Variants in GPR132 observed in about 807,000 individuals in gnomAD.
The protein encoded by GPR132 is probable G protein-coupled receptor 132.
Under a neutral mutation model 1.9 loss-of-function variants are expected in GPR132, and 4 were observed. The ratio of observed to expected loss-of-function variants is 2.13; its 90% confidence interval spans 1.05 to 4.87. GPR132 has a LOEUF of 4.87. Ranked by LOEUF, GPR132 falls within the 30% of genes most tolerant of loss-of-function variation. The probability of loss-of-function intolerance (pLI) is 0.01; values close to 1 mark genes in which losing one functional copy is unlikely to be tolerated. For synonymous variants in GPR132, 233 were observed against 234.2 expected, an observed-to-expected ratio of 0.99 and a Z score of 0.05; for missense variants, 404 against 512.5, an observed-to-expected ratio of 0.79 and a Z score of 2.04.
At position 105,051,928 on chromosome 14, in the gene GPR132, T is replaced by C; in HGVS notation, c.209A>G (p.Gln70Arg). Reference sequence around the variant, plus strand: ...GGCCAGCACGTTGCCCTGCAGTACCTGCAGCAGCGCCAGCCACGCAGTCAG... The same window carrying C: ...GGCCAGCACGTTGCCCTGCAGTACCCGCAGCAGCGCCAGCCACGCAGTCAG... ...NCLTAWLALL[Q>R]VLQGNVLAVY... The change falls in exon 4 of 4, where the codon CAG (glutamine) becomes CGG (arginine). Residue 70 changes from glutamine (Q) to arginine (R), a missense_variant. Transcript: ENST00000329797. The surrounding 1 kb of genome is among the most constrained non-coding windows in gnomAD (Gnocchi z 8.0). The C allele has an allele frequency of 6.2e-7, 1 of 1,613,544 alleles. No homozygotes were observed. The highest frequency in any genetic ancestry group is 8.5e-7 in the Non-Finnish European group (1 of 1,179,932).
chr14:105,064,016 T>A (rs1887019162), intron 1 of GPR132, among the ~76,000 whole-genome samples: 1 of 151,770 alleles, frequency 6.6e-6, no homozygotes, highest in African/African-American at 2.4e-5. Flanking sequence ...ATTTTGTATT[T>A]TTAGTAGAGA....
Position 105,056,091 on chromosome 14 carries a change from TC to T in GPR132, c.-672del, listed in dbSNP as rs745719130. On this transcript the variant is annotated 5_prime_UTR_variant, in exon 3 of 4. It removes the in-frame stop codon of an upstream open reading frame in the 5' UTR. Transcript: ENST00000329797. The surrounding 1 kb of genome is among the most constrained non-coding windows in gnomAD (Gnocchi z 6.0). ...ACCTTCCCCCGGCGGTGTGCAGGGC[TC>T]CGGTCTCCCCACAGCCTCGCTGCGC... 14 of 977,080 alleles carry T rather than the reference TC, an allele frequency of 1.4e-5. No individual in the cohort carries two copies. Among genetic ancestry groups the T allele is most frequent in the Non-Finnish European group, 1.6e-5 (13 of 822,354 alleles). The allele number at this position is 977,080 out of a possible 1,614,324, so 60.5% of individuals were successfully genotyped here.
At chr14:105,054,376 C>G in intron 3 of GPR132, 2 of 985,288 alleles carry the variant, frequency 2.0e-6, no homozygotes, top group Non-Finnish European at 2.4e-6. Context: ...TGGGGCAAGT[C>G]ACCCCGAACG....
intron 1 of GPR132, chr14:105,057,511 C>CTTTT (rs11299805): frequency 1.8e-3 from 157 of 88,874 alleles, no homozygotes; most frequent in Non-Finnish European, 2.1e-3. Context: ...ACATACGATT[C>CTTTT]TTTTTTTTTT....
intron 1 of GPR132, among the ~76,000 whole-genome samples, chr14:105,062,208 T>A (rs543602955): frequency 6.6e-6 from 1 of 152,248 alleles, no homozygotes; most frequent in South Asian, 2.1e-4. Flanking sequence ...TCCAGCTGCA[T>A]CTCCTGTCCC....
chr14:105,053,908 G>A (rs1886716346), intron 3 of GPR132: 1 of 1,129,638 alleles, frequency 8.9e-7, no homozygotes, highest in Non-Finnish European at 1.1e-6. Context: ...AAGAAAAGGA[G>A]ATCAAAGTGA....
In GPR132 at chr14:105,055,191, G is replaced by A. The variant is rs762573677; in HGVS notation, c.34+196C>T. ...TTAAAAATACAAATATTAGCCAGGC[G>A]TGGTGGGCACCTGTAATCCCAGCTA... On this transcript the variant is annotated intron_variant, in intron 3 of 3. Coordinates refer to ENST00000329797, the MANE Select transcript of GPR132 (RefSeq NM_013345.4). This position sits in a 1 kb window ranked among gnomAD's most constrained non-coding sequence, Gnocchi z 4.7. Among the ~76,000 whole-genome samples the A allele has an allele frequency of 3.3e-5, 5 of 152,102 alleles. No homozygotes were observed. The highest frequency in any genetic ancestry group is 2.1e-4 in the South Asian group (1 of 4,808).
chr14:105,059,802 T>C lies in GPR132; in HGVS notation c.-860-2522A>G, dbSNP rs1249757256. On this transcript the variant is annotated intron_variant, in intron 1 of 3. Transcript: ENST00000329797. The surrounding 1 kb of genome is among the most constrained non-coding windows in gnomAD (Gnocchi z 4.2). ...ACTTTAGCAAATAAACCTCCTAAAA[T>C]GATTGAGACTTGTCTCGACGTTTTT... Among the ~76,000 whole-genome samples the C allele has an allele frequency of 6.6e-6, 1 of 152,178 alleles. No homozygotes were observed. Among genetic ancestry groups the C allele is most frequent in the Non-Finnish European group, 1.5e-5 (1 of 68,016 alleles).
chr14:105,056,098 T>C lies in GPR132; in HGVS notation c.-678A>G. 3 of 981,508 alleles carry C rather than the reference T, an allele frequency of 3.1e-6. No homozygotes were observed. Among genetic ancestry groups the C allele is most frequent in the Non-Finnish European group, 3.6e-6 (3 of 826,306 alleles). The allele number at this position is 981,508 out of a possible 1,614,324, so 60.8% of individuals were successfully genotyped here. On this transcript the variant is annotated 5_prime_UTR_variant, in exon 3 of 4. Coordinates refer to ENST00000329797, the MANE Select transcript of GPR132 (RefSeq NM_013345.4). The surrounding 1 kb of genome is among the most constrained non-coding windows in gnomAD (Gnocchi z 6.0). ...CCCGGCGGTGTGCAGGGCTCCGGTCTCCCCACAGCCTCGCTGCGCTTGCTG... is the reference window on the plus strand; with the variant it reads ...CCCGGCGGTGTGCAGGGCTCCGGTCCCCCCACAGCCTCGCTGCGCTTGCTG...
At position 105,055,507 on chromosome 14, in the gene GPR132, C is replaced by G; in HGVS notation, c.-87G>C. On this transcript the variant is annotated 5_prime_UTR_variant, in exon 3 of 4. Coordinates refer to ENST00000329797, the MANE Select transcript of GPR132 (RefSeq NM_013345.4). This position sits in a 1 kb window ranked among gnomAD's most constrained non-coding sequence, Gnocchi z 4.7. ...GAGACTCTGCCCCAGGAAGCACTCG[C>G]TCCGCATTTGCTCCCAGCCCCCAGG... 1 of 767,672 alleles carries G rather than the reference C, an allele frequency of 1.3e-6. No homozygotes were observed. The highest frequency in any genetic ancestry group is 1.3e-5 in the South Asian group (1 of 74,156). 47.6% of individuals were successfully genotyped at this position (767,672 alleles called of 1,614,324 possible).
At position 105,051,984 on chromosome 14, in the gene GPR132, C is replaced by T. The variant is rs764793627; in HGVS notation, c.153G>A (p.Ala51=). The T allele has an allele frequency of 1.2e-5, 20 of 1,613,120 alleles. No individual in the cohort carries two copies. Among genetic ancestry groups the T allele is most frequent in the Admixed American group, 8.3e-5 (5 of 60,006 alleles). Residue 51 remains alanine (A), a synonymous_variant, in exon 4 of 4, where the codon GCG becomes GCA. Coordinates refer to ENST00000329797, the MANE Select transcript of GPR132 (RefSeq NM_013345.4). The surrounding 1 kb of genome is among the most constrained non-coding windows in gnomAD (Gnocchi z 8.0). The part of the protein sequence containing the change: ...SRIVLVVVYS[A]VCTLGVPANC... ...TGGCCGGCACCCCCAGCGTGCACAC[C>T]GCGCTGTACACCACGACCAGGACTA...
At position 105,050,942 on chromosome 14, in the gene GPR132, C is replaced by T. The variant is rs1028509420; in HGVS notation, c.*52G>A. On this transcript the variant is annotated 3_prime_UTR_variant, in exon 4 of 4. Transcript: ENST00000329797. This position sits in a 1 kb window ranked among gnomAD's most constrained non-coding sequence, Gnocchi z 4.0. ...TGGTGGGCTCAGTGCACAGGAACCACATTGCTGGCCCCAGGACCCCCAACC... is the reference window on the plus strand; with the variant it reads ...TGGTGGGCTCAGTGCACAGGAACCATATTGCTGGCCCCAGGACCCCCAACC... The T allele has an allele frequency of 7.7e-6, 12 of 1,549,898 alleles. No individual in the cohort carries two copies. The highest frequency in any genetic ancestry group is 1.1e-5 in the Non-Finnish European group (12 of 1,131,468).
intron 3 of GPR132, among the ~76,000 whole-genome samples, chr14:105,053,342 T>C (rs1283260413): frequency 6.6e-6 from 1 of 151,962 alleles, no homozygotes; most frequent in Non-Finnish European, 1.5e-5. Context: ...GTATTTTTAG[T>C]AGAGATGGGG....
rs944109188 is a variant in GPR132, at chr14:105,057,171, C to T, written c.-751G>A. On this transcript the variant is annotated 5_prime_UTR_variant, in exon 2 of 4. The change abolishes an upstream ATG in the 5' untranslated region. Coordinates refer to ENST00000329797, the MANE Select transcript of GPR132 (RefSeq NM_013345.4). ...AGTCGGAGAAGGCTCTCTCACCTGG[C>T]ATATTTTGCGGGTTCCAATCTCAGT... The T allele has an allele frequency of 2.0e-6, 3 of 1,533,354 alleles. No homozygotes were observed. The highest frequency in any genetic ancestry group is 2.6e-6 in the Non-Finnish European group (3 of 1,144,542). The allele number at this position is 1,533,354 out of a possible 1,614,324, so 95.0% of individuals were successfully genotyped here. A position where few individuals can be genotyped will look rare whatever the true frequency, so the allele number is the denominator to read the frequency against.
At chr14:105,063,075 G>A (rs565224027) in intron 1 of GPR132, among the ~76,000 whole-genome samples, 1 of 152,180 alleles carries the variant, frequency 6.6e-6, no homozygotes, top group Admixed American at 6.5e-5. Flanking sequence ...CTGCTGCCAT[G>A]CCCAGTTAAT....
chr14:105,057,125 G>A, intron 2 of GPR132, 42 bp downstream of exon 2: 1 of 1,487,798 alleles, frequency 6.7e-7, no homozygotes, highest in Non-Finnish European at 9.1e-7. Context: ...AATTCTCATG[G>A]GCTTCCTCTT....
At chr14:105,061,016 A>G (rs1312323512) in intron 1 of GPR132, among the ~76,000 whole-genome samples, 1 of 152,252 alleles carries the variant, frequency 6.6e-6, no homozygotes, top group Admixed American at 6.5e-5. Flanking sequence ...CGGCCCATGC[A>G]GCGTGAGCTG....
intron 3 of GPR132, 55 bp from the exon 4 acceptor site, chr14:105,052,157 G>A: frequency 1.4e-6 from 2 of 1,410,430 alleles, no homozygotes; most frequent in Non-Finnish European, 1.9e-6. Flanking sequence ...ACCTGGGAGA[G>A]ACTCTACTGT....
rs111825474 is a variant in GPR132, at chr14:105,054,197, T to C, written c.34+1190A>G. 3.3e-4 allele frequency: 402 copies of C among 1,235,876 alleles called. 2 individuals carry two copies. In the African/African-American group the frequency reaches 5.9e-3, roughly 18 times the overall value. 76.6% of individuals were successfully genotyped at this position (1,235,876 alleles called of 1,614,324 possible). A position where few individuals can be genotyped will look rare whatever the true frequency, so the allele number is the denominator to read the frequency against. On this transcript the variant is annotated intron_variant, in intron 3 of 3. Transcript: ENST00000329797. ...GACGGACAGAGCGTTGCCAAACTTA[T>C]TGGGCCACAGCAGCCCCGGGCGGGG...
Sources: gnomAD v4.1 joint callset for allele counts (sites outside exome capture counted in the v4.1 genomes callset) on GRCh38, gnomAD v4.1.1 for gene constraint, Gnocchi (gnomAD v3.1) non-coding constraint, MANE v1.5 for transcripts, NCBI Gene and HGNC (gene_info 2026-07-23, HGNC 2026-07-21) for gene names.